The following WWOX variants were observed in gnomAD, a reference collection of about 807,000 sequenced individuals.
The protein encoded by WWOX is WW domain-containing oxidoreductase.
WWOX carries 69 observed loss-of-function variants against 46.2 expected under a neutral mutation model. That is an observed-to-expected ratio of 1.49 (90% CI 1.23 to 1.82). The LOEUF (loss-of-function observed/expected upper bound fraction) is 1.82. WWOX is among the 40% of genes most tolerant of loss of function. The pLI is 0.00. For synonymous variants in WWOX, 359 were observed against 202.6 expected, an observed-to-expected ratio of 1.77 and a Z score of -6.56; for missense variants, 919 against 542.6, an observed-to-expected ratio of 1.69 and a Z score of -6.89.
chr16:78,686,782 A>G (rs1489694145), intron 8 of WWOX, among the ~76,000 whole-genome samples: 1 of 152,208 alleles, frequency 6.6e-6, no homozygotes, highest in African/African-American at 2.4e-5. Context: ...GCTATCTAAC[A>G]GAGACAGAGT....
chr16:78,198,686 T>C (rs2036135720), intron 5 of WWOX, among the ~76,000 whole-genome samples: 1 of 152,236 alleles, frequency 6.6e-6, no homozygotes, highest in African/African-American at 2.4e-5. Context: ...AGCATGGATT[T>C]AGCTCATTTT....
chr16:78,845,859 C>G (rs544445483), intron 8 of WWOX, among the ~76,000 whole-genome samples: 51 of 152,312 alleles, frequency 3.3e-4, no homozygotes, highest in African/African-American at 1.2e-3. Flanking sequence ...AGTGAATATT[C>G]TGCACGTCCA....
intron 8 of WWOX, among the ~76,000 whole-genome samples, chr16:78,594,884 C>T (rs892023666): frequency 4.6e-5 from 7 of 152,126 alleles, no homozygotes; most frequent in Admixed American, 2.0e-4. Context: ...AAATAGCAGC[C>T]TATGCATATT....
At chr16:79,083,918 C>G (rs1368628183) in intron 8 of WWOX, among the ~76,000 whole-genome samples, 4 of 152,164 alleles carry the variant, frequency 2.6e-5, no homozygotes, top group South Asian at 2.1e-4. Flanking sequence ...CGGTGGGTTT[C>G]TTTTATGAGG....
intron 8 of WWOX, among the ~76,000 whole-genome samples, chr16:78,910,070 T>C (rs752400800): frequency 5.3e-5 from 8 of 152,240 alleles, no homozygotes; most frequent in Non-Finnish European, 7.3e-5. Flanking sequence ...ATTTATGTTA[T>C]TATTATCATT....
intron 8 of WWOX, among the ~76,000 whole-genome samples, chr16:78,656,440 A>C (rs774884225): frequency 8.5e-5 from 13 of 152,192 alleles, no homozygotes; most frequent in Non-Finnish European, 7.3e-5. Flanking sequence ...CAGGAAGCCC[A>C]GTTAGGGAGG....
chr16:78,863,695 G>A (rs1207690972), intron 8 of WWOX, among the ~76,000 whole-genome samples: 2 of 152,150 alleles, frequency 1.3e-5, no homozygotes, highest in African/African-American at 4.8e-5. Context: ...GTGCTCAGTG[G>A]GTATCTGTTG....
intron 8 of WWOX, among the ~76,000 whole-genome samples, chr16:78,887,755 A>G (rs866396743): frequency 6.6e-6 from 1 of 152,086 alleles, no homozygotes; most frequent in East Asian, 1.9e-4. Flanking sequence ...CAAAATTCCC[A>G]TTTGCCTTTC....
chr16:78,392,252 C>T (rs1316454946), intron 6 of WWOX, among the ~76,000 whole-genome samples: 3 of 152,062 alleles, frequency 2.0e-5, no homozygotes, highest in Non-Finnish European at 4.4e-5. Flanking sequence ...GCATTAGTCT[C>T]ATAGGACCGT....
At chr16:78,470,992 A>G (rs1269541529) in intron 8 of WWOX, among the ~76,000 whole-genome samples, 1 of 152,146 alleles carries the variant, frequency 6.6e-6, no homozygotes, top group African/African-American at 2.4e-5. Context: ...AACCAACAGC[A>G]CGTTTCCTTG....
intron 8 of WWOX, among the ~76,000 whole-genome samples, chr16:78,555,455 C>G (rs185676943): frequency 6.6e-5 from 10 of 152,200 alleles, no homozygotes; most frequent in Admixed American, 5.2e-4. Context: ...ATTACTTATT[C>G]TCTTTGCACC....
Position 78,432,602 on chromosome 16 carries a change from C to T in WWOX, c.906C>T (p.Leu302=), listed in dbSNP as rs377404672. The T allele has an allele frequency of 3.7e-6, 6 of 1,614,226 alleles. No individual in the cohort carries two copies. The highest frequency in any genetic ancestry group is 4.5e-5 in the East Asian group (2 of 44,880). The change falls in exon 8 of 9, where the codon CTC becomes CTT. Residue 302 remains leucine, a synonymous_variant. Coordinates refer to ENST00000566780, the MANE Select transcript of WWOX (RefSeq NM_016373.4). ...AYNRSKLCNI[L]FSNELHRRLS... The stretch of plus-strand genomic sequence containing the variant: ...ACAGGTCCAAGCTCTGCAACATCCT[C>T]TTCTCCAACGAGCTGCACCGTCGCC...
chr16:78,886,455 C>G (rs2044460200), intron 8 of WWOX, among the ~76,000 whole-genome samples: 3 of 151,638 alleles, frequency 2.0e-5, no homozygotes, highest in Admixed American at 2.0e-4. Context: ...CATTTGCTCC[C>G]AATTTTAAAT....
intron 8 of WWOX, among the ~76,000 whole-genome samples, chr16:78,716,539 A>G (rs1036956241): frequency 4.6e-5 from 7 of 152,030 alleles, no homozygotes; most frequent in South Asian, 2.1e-4. Flanking sequence ...TTGGGTCCCT[A>G]TGTCACCTGT....
intron 8 of WWOX, among the ~76,000 whole-genome samples, chr16:78,888,687 G>T (rs542378554): frequency 1.9e-4 from 29 of 152,274 alleles, no homozygotes; most frequent in South Asian, 1.9e-3. Flanking sequence ...CTTGTGGCTG[G>T]ATGTAGAATC....
intron 5 of WWOX, among the ~76,000 whole-genome samples, chr16:78,316,823 G>A (rs530917296): frequency 6.6e-6 from 1 of 152,172 alleles, no homozygotes; most frequent in Non-Finnish European, 1.5e-5. Flanking sequence ...TTTCAATGCT[G>A]CTTTTTAAGT....
intron 8 of WWOX, among the ~76,000 whole-genome samples, chr16:79,091,380 G>T (rs938517560): frequency 2.0e-5 from 3 of 151,534 alleles, no homozygotes; most frequent in Non-Finnish European, 2.9e-5. Flanking sequence ...CACTGCTTTC[G>T]TGAGCACAGA....
intron 5 of WWOX, chr16:78,355,573 G>T: frequency 2.1e-6 from 1 of 477,946 alleles, no homozygotes; most frequent in South Asian, 1.8e-5. Context: ...ACACTGTGGA[G>T]GATCCCCTGG....
rs55748059 is a variant in WWOX at position 78,723,554 on chromosome 16, C to CTTCTTTTCTT, written c.1056+290870_1056+290879dup. Among the ~76,000 whole-genome samples the CTTCTTTTCTT allele has an allele frequency of 7.2e-3, 776 of 108,072 alleles. 18 individuals carry two copies. Among genetic ancestry groups the CTTCTTTTCTT allele is most frequent in the Middle Eastern group, 9.9e-3 (2 of 202 alleles). 70.9% of individuals were successfully genotyped at this position (108,072 alleles called of 152,430 possible). On this transcript the variant is annotated intron_variant, in intron 8 of 8. Transcript: ENST00000566780. ...CACTTCTTCTACCTTGATTCCCAGCCTTCTTTTCTTTTCTTTTCTTTTCTT... is the reference window on the plus strand; with the variant it reads ...CACTTCTTCTACCTTGATTCCCAGCCTTCTTTTCTTTTCTTTTCTTTTCTTTTCTTTTCTT...
Sources: allele counts gnomAD v4.1 joint callset (sites outside exome capture counted in the v4.1 genomes callset), GRCh38; gene constraint gnomAD v4.1.1; transcripts MANE v1.5; gene names NCBI Gene and HGNC (gene_info 2026-07-23, HGNC 2026-07-21).